The following DLGAP2 variants were observed in gnomAD, a reference collection of about 807,000 sequenced individuals.
The protein encoded by DLGAP2 is disks large-associated protein 2.
In DLGAP2, 26 loss-of-function variants were observed where a neutral mutation model predicts 100.3. That is an observed-to-expected ratio of 0.26 (90% confidence interval 0.19 to 0.36). DLGAP2 has a LOEUF of 0.36. Among genes scored for constraint, DLGAP2 ranks in the 10% least tolerant of loss-of-function variants. The pLI is 1.00. For synonymous variants in DLGAP2, 886 were observed against 630.1 expected, an observed-to-expected ratio of 1.41 and a Z score of -6.08; for missense variants, 1,858 against 1,453.2, an observed-to-expected ratio of 1.28 and a Z score of -4.53.
intron 3 of DLGAP2, among the ~76,000 whole-genome samples, chr8:1,261,501 C>T (rs1021719234): frequency 2.0e-5 from 3 of 151,578 alleles, no homozygotes; most frequent in Non-Finnish European, 2.9e-5. Flanking sequence ...TAAGAAGACT[C>T]CCCCTGTCCG....
chr8:767,272 T>G (rs976168090), intron 1 of DLGAP2, among the ~76,000 whole-genome samples: 2 of 151,436 alleles, frequency 1.3e-5, no homozygotes, highest in Non-Finnish European at 2.9e-5. Context: ...TGAGCCACAG[T>G]TGTGGGAGGA....
intron 3 of DLGAP2, among the ~76,000 whole-genome samples, chr8:1,290,094 C>T (rs964924039): frequency 1.3e-5 from 2 of 152,140 alleles, no homozygotes; most frequent in African/African-American, 2.4e-5. Flanking sequence ...GAATTTATTC[C>T]TACCTGGGCT....
At chr8:1,174,365 A>G (rs191959568) in intron 2 of DLGAP2, among the ~76,000 whole-genome samples, 3 of 151,768 alleles carry the variant, frequency 2.0e-5, no homozygotes, top group Non-Finnish European at 2.9e-5. Context: ...CATCACCAAA[A>G]TCATTATCAT....
At chr8:1,598,878 C>T (rs1047646944) in intron 6 of DLGAP2, among the ~76,000 whole-genome samples, 1 of 152,222 alleles carries the variant, frequency 6.6e-6, no homozygotes, top group South Asian at 2.1e-4. Context: ...CAGTTCTTCT[C>T]TAATCTGAGT....
chr8:1,425,059 A>AT (rs869070550), intron 3 of DLGAP2, among the ~76,000 whole-genome samples: 2 of 152,198 alleles, frequency 1.3e-5, no homozygotes, highest in African/African-American at 2.4e-5. Flanking sequence ...CATTTAAAAA[A>AT]TTTTTTGCAC....
Position 1,518,906 on chromosome 8 carries a change from G to A in DLGAP2, c.172+17475G>A, listed in dbSNP as rs540366175. 6.5e-4 allele frequency among the ~76,000 whole-genome samples: 99 copies of A among 152,306 alleles called. 1 individual carries two copies. In the Middle Eastern group the frequency reaches 0.01, roughly 16 times the overall value. On this transcript the variant is annotated intron_variant, in intron 4 of 14. Coordinates refer to ENST00000637795, the MANE Select transcript of DLGAP2 (RefSeq NM_001346810.2). ...TTTAGTAAAACACATTCTCACGCCA[G>A]TGCCCGTGCTTCTCCCTCTGCGTGG...
intron 1 of DLGAP2, chr8:740,237 G>GTT (rs1820448523): frequency 6.6e-6 from 1 of 152,222 alleles, no homozygotes; most frequent in South Asian, 2.1e-4. Context: ...GCACGAAGAT[G>GTT]TTTTCTCAGA....
rs35540568 is a variant in DLGAP2 at position 1,613,542 on chromosome 8, T to TAA, written c.1443-13186_1443-13185dup. On this transcript the variant is annotated intron_variant, in intron 6 of 14. Transcript: ENST00000637795. The stretch of plus-strand genomic sequence containing the variant: ...ATGTACCCTAAAACTTAAAGTATAA[T>TAA]AAAAAAAAAAAAAGAAAAGAAAAGA... Among the ~76,000 whole-genome samples, 368 of 135,908 alleles carry TAA rather than the reference T, an allele frequency of 2.7e-3. 3 individuals carry two copies. Among genetic ancestry groups the TAA allele is most frequent in the Admixed American group, 4.7e-3 (64 of 13,640 alleles). The allele number at this position is 135,908 out of a possible 152,430, so 89.2% of individuals were successfully genotyped here. A position where few individuals can be genotyped will look rare whatever the true frequency, so the allele number is the denominator to read the frequency against.
chr8:1,676,265 C>G lies in DLGAP2; in HGVS notation c.2203-268C>G, dbSNP rs544265526. Among the ~76,000 whole-genome samples the G allele has an allele frequency of 3.9e-5, 6 of 152,292 alleles. No homozygotes were observed. The South Asian group carries it at 1.2e-3, about 32-fold the overall frequency. On this transcript the variant is annotated intron_variant, in intron 10 of 14. Coordinates refer to ENST00000637795, the MANE Select transcript of DLGAP2 (RefSeq NM_001346810.2). The stretch of plus-strand genomic sequence containing the variant: ...ACACCTATTTTTTGCCTGAGCTGAA[C>G]TAAGCAGTTTTATTTGCATACATTT...
At chr8:1,131,381 G>A (rs909275582) in intron 2 of DLGAP2, among the ~76,000 whole-genome samples, 1 of 152,148 alleles carries the variant, frequency 6.6e-6, no homozygotes, top group Non-Finnish European at 1.5e-5. Context: ...GGTTCCTGGT[G>A]GGAACCTTCT....
chr8:1,582,307 A>AGCCCCACACACATGTACACACCACAGTC (rs1292749651), intron 6 of DLGAP2, among the ~76,000 whole-genome samples: 17 of 102,330 alleles, frequency 1.7e-4, no homozygotes, highest in African/African-American at 3.6e-4. Flanking sequence ...GATACAGATA[A>AGCCCCACACACATGTACACACCACAGTC]AACCTTAAAA....
At chr8:1,049,593 A>G (rs1489281682) in intron 2 of DLGAP2, among the ~76,000 whole-genome samples, 1 of 152,134 alleles carries the variant, frequency 6.6e-6, no homozygotes, top group Non-Finnish European at 1.5e-5. Flanking sequence ...GTTATTCCAT[A>G]TTCCTCCACT....
intron 2 of DLGAP2, among the ~76,000 whole-genome samples, chr8:923,460 C>T (rs560719075): frequency 4.6e-5 from 7 of 152,314 alleles, no homozygotes; most frequent in Non-Finnish European, 7.3e-5. Context: ...AATTACCTTC[C>T]GCCCAGGAGC....
intron 6 of DLGAP2, among the ~76,000 whole-genome samples, chr8:1,616,354 T>A (rs1421186752): frequency 6.6e-6 from 1 of 152,126 alleles, no homozygotes; most frequent in Non-Finnish European, 1.5e-5. Context: ...TGGCCAAATA[T>A]TTTACAAATT....
intron 2 of DLGAP2, among the ~76,000 whole-genome samples, chr8:1,093,079 C>G (rs55870618): frequency 6.6e-6 from 1 of 152,126 alleles, no homozygotes; most frequent in Non-Finnish European, 1.5e-5. Context: ...AAACCGAGGC[C>G]GAGCTCCTTC....
intron 1 of DLGAP2, among the ~76,000 whole-genome samples, chr8:900,205 CGCTCCCGGGCGGACG>C (rs1798222909): frequency 7.3e-6 from 1 of 137,470 alleles, no homozygotes. Flanking sequence ...TTCACGGGGT[CGCTCCCGGGCGGACG>C]GTGGGCGCCC....
chr8:1,322,797 G>A (rs534644055), intron 3 of DLGAP2, among the ~76,000 whole-genome samples: 2 of 152,198 alleles, frequency 1.3e-5, no homozygotes, highest in Non-Finnish European at 2.9e-5. Flanking sequence ...GGCCTTCTCT[G>A]ATAAGCCGAG....
At chr8:912,291 T>C (rs1326703730) in intron 2 of DLGAP2, among the ~76,000 whole-genome samples, 1 of 152,206 alleles carries the variant, frequency 6.6e-6, no homozygotes, top group Non-Finnish European at 1.5e-5. Flanking sequence ...AAAATGACTG[T>C]GAAACAGGTT....
At chr8:1,422,699 G>C (rs547892278) in intron 3 of DLGAP2, among the ~76,000 whole-genome samples, 1 of 152,280 alleles carries the variant, frequency 6.6e-6, no homozygotes, top group South Asian at 2.1e-4. Flanking sequence ...CACAGCAGGT[G>C]CTCGTTAAGT....
Sources: allele counts gnomAD v4.1 joint callset (sites outside exome capture counted in the v4.1 genomes callset), GRCh38; gene constraint gnomAD v4.1.1; transcripts MANE v1.5; gene names NCBI Gene and HGNC (gene_info 2026-07-23, HGNC 2026-07-21).